PPP3CA: variants seen among roughly 807,000 people sequenced by gnomAD.
PPP3CA encodes CAM-PRP catalytic subunit.
A neutral mutation model predicts 66.5 loss-of-function variants in PPP3CA; 14 were observed. That is an observed-to-expected ratio of 0.21 (90% CI 0.14 to 0.33). The LOEUF is 0.33. PPP3CA is among the 10% of genes least tolerant of loss of function. PPP3CA has a pLI of 1.00. For missense variants in PPP3CA, 317 were observed against 639.5 expected (o/e 0.50, Z 5.44); for synonymous variants, 232 against 226.2 (o/e 1.03, Z -0.23).
At chr4:101,222,711 C>T (rs913459135) in intron 1 of PPP3CA, among the ~76,000 whole-genome samples, 2 of 151,522 alleles carry the variant, frequency 1.3e-5, no homozygotes, top group African/African-American at 2.4e-5. Flanking sequence ...ATAGGCCAAT[C>T]GTACAAGGAT....
chr4:101,312,838 A>G (rs1728770393), intron 1 of PPP3CA, among the ~76,000 whole-genome samples: 1 of 152,232 alleles, frequency 6.6e-6, no homozygotes, highest in South Asian at 2.1e-4. Flanking sequence ...GCACTGCACC[A>G]GATACATCAT....
At chr4:101,142,013 G>A (rs946150808) in intron 2 of PPP3CA, among the ~76,000 whole-genome samples, 11 of 149,622 alleles carry the variant, frequency 7.4e-5, no homozygotes, top group Admixed American at 2.7e-4. Flanking sequence ...CACTCCAATC[G>A]TCAAGCATTT....
intron 1 of PPP3CA, among the ~76,000 whole-genome samples, chr4:101,323,410 T>C (rs137943131): frequency 0.019 from 2,955 of 152,286 alleles, 353 homozygotes; most frequent in Admixed American, 0.18. Flanking sequence ...CAAGCTAAGG[T>C]TAACTGTGTA....
At chr4:101,047,683 TG>T (rs1468352127) in intron 10 of PPP3CA, among the ~76,000 whole-genome samples, 1 of 152,110 alleles carries the variant, frequency 6.6e-6, no homozygotes, top group African/African-American at 2.4e-5. Flanking sequence ...CTAGGACTCC[TG>T]GGCTCAAGTG....
At chr4:101,123,437 T>C (rs1722093504) in intron 2 of PPP3CA, among the ~76,000 whole-genome samples, 1 of 152,140 alleles carries the variant, frequency 6.6e-6, no homozygotes, top group Non-Finnish European at 1.5e-5. Flanking sequence ...AAAGGGAATG[T>C]TGCTCACAGT....
At chr4:101,092,436 T>G (rs1446295534) in intron 6 of PPP3CA, among the ~76,000 whole-genome samples, 1 of 151,988 alleles carries the variant, frequency 6.6e-6, no homozygotes, top group African/African-American at 2.4e-5. Flanking sequence ...CAGTTTTTTT[T>G]TTTTTAATAC....
chr4:101,275,830 T>C (rs28411074), intron 1 of PPP3CA, among the ~76,000 whole-genome samples: 98,403 of 151,008 alleles, frequency 0.65, 33,187 homozygotes, highest in Non-Finnish European at 0.75. Context: ...GTGTGGTTTT[T>C]TTCGCTTTTT....
intron 10 of PPP3CA, among the ~76,000 whole-genome samples, chr4:101,050,835 G>T (rs536480242): frequency 1.3e-4 from 20 of 152,240 alleles, no homozygotes; most frequent in Admixed American, 1.2e-3. Flanking sequence ...TAAAATGCTT[G>T]GTATTATTAA....
At chr4:101,180,939 C>G (rs1224299925) in intron 2 of PPP3CA, among the ~76,000 whole-genome samples, 1 of 152,004 alleles carries the variant, frequency 6.6e-6, no homozygotes, top group African/African-American at 2.4e-5. Flanking sequence ...ATAGTCCCAG[C>G]TACTTAGGAA....
chr4:101,166,806 A>G (rs905365168), intron 2 of PPP3CA, among the ~76,000 whole-genome samples: 3 of 152,358 alleles, frequency 2.0e-5, no homozygotes, highest in African/African-American at 7.2e-5. Flanking sequence ...CTTACATTGT[A>G]TATTTCCTTA....
chr4:101,080,825 A>G (rs570053137), intron 7 of PPP3CA, among the ~76,000 whole-genome samples, 199 bp from the exon 8 acceptor site: 1 of 152,258 alleles, frequency 6.6e-6, no homozygotes, highest in South Asian at 2.1e-4. Context: ...GGGTATGAAA[A>G]CATACATTCA....
At chr4:101,066,566 G>A (rs1464923478) in intron 8 of PPP3CA, among the ~76,000 whole-genome samples, 2 of 152,010 alleles carry the variant, frequency 1.3e-5, no homozygotes, top group Middle Eastern at 3.4e-3. Context: ...ACAACAATAT[G>A]TATTCTTTTT....
chr4:101,338,710 A>G (rs1729715008), intron 1 of PPP3CA, among the ~76,000 whole-genome samples: 1 of 152,196 alleles, frequency 6.6e-6, no homozygotes, highest in Non-Finnish European at 1.5e-5. Context: ...TAACTTCTGA[A>G]CTGAAGCTCG....
intron 2 of PPP3CA, among the ~76,000 whole-genome samples, chr4:101,159,598 A>C (rs1159270606): frequency 6.6e-6 from 1 of 152,156 alleles, no homozygotes; most frequent in African/African-American, 2.4e-5. Context: ...AGCTTTATTA[A>C]TGGTTAATAA....
chr4:101,036,572 C>A (rs1361142921), intron 11 of PPP3CA, among the ~76,000 whole-genome samples: 1 of 152,126 alleles, frequency 6.6e-6, no homozygotes, highest in Non-Finnish European at 1.5e-5. Flanking sequence ...CCACCACGCC[C>A]AGCTAATTTT....
intron 8 of PPP3CA, among the ~76,000 whole-genome samples, chr4:101,066,519 C>T (rs1728686966): frequency 6.6e-6 from 1 of 152,174 alleles, no homozygotes; most frequent in Admixed American, 6.5e-5. Context: ...ATTTATTTTT[C>T]TCTAGCTCAA....
At chr4:101,315,992 G>A (rs1267690639) in intron 1 of PPP3CA, among the ~76,000 whole-genome samples, 1 of 152,060 alleles carries the variant, frequency 6.6e-6, no homozygotes, top group Non-Finnish European at 1.5e-5. Flanking sequence ...TAAAATGGCT[G>A]CCAGAGCTCC....
intron 1 of PPP3CA, among the ~76,000 whole-genome samples, chr4:101,292,494 A>C (rs957809435): frequency 6.6e-6 from 1 of 152,170 alleles, no homozygotes; most frequent in Non-Finnish European, 1.5e-5. Context: ...TGTGGGTCGA[A>C]ATAAGTCCCA....
chr4:101,032,907 C>T (rs548784775), intron 11 of PPP3CA, among the ~76,000 whole-genome samples: 18 of 151,968 alleles, frequency 1.2e-4, no homozygotes, highest in African/African-American at 4.1e-4. Flanking sequence ...ATGAAAAACA[C>T]ATAAAATAAT....
Sources: gnomAD v4.1 joint callset for allele counts (sites outside exome capture counted in the v4.1 genomes callset) on GRCh38, gnomAD v4.1.1 for gene constraint, MANE v1.5 for transcripts, NCBI Gene and HGNC (gene_info 2026-07-23, HGNC 2026-07-21) for gene names.